Variants in LRRK2 observed in about 807,000 individuals in gnomAD.
The protein encoded by LRRK2 is leucine-rich repeat serine/threonine-protein kinase 2.
LRRK2 carries 203 observed loss-of-function variants against 302.6 expected under a neutral mutation model. That is an observed-to-expected ratio of 0.67 (90% CI 0.60 to 0.75). LRRK2 has a LOEUF of 0.75. Ranked by LOEUF, LRRK2 falls within the 30% of genes least tolerant of loss-of-function variation. LRRK2 has a pLI of 0.00. For missense variants in LRRK2, 2,830 were observed against 2,951.0 expected (o/e 0.96, Z 0.95); for synonymous variants, 1,066 against 1,031.9 (o/e 1.03, Z -0.63).
chr12:40,358,340 T>C (rs1946606095), intron 46 of LRRK2, among the ~76,000 whole-genome samples: 1 of 152,194 alleles, frequency 6.6e-6, no homozygotes, highest in Non-Finnish European at 1.5e-5. Flanking sequence ...CCTGTTTCCT[T>C]TTAATAGTTT....
chr12:40,237,912 A>T (rs1297429889), intron 4 of LRRK2, 57 bp from the exon 5 acceptor site: 3 of 1,546,410 alleles, frequency 1.9e-6, no homozygotes, highest in Non-Finnish European at 2.7e-6. Flanking sequence ...GTAAAAATTA[A>T]CACATTAAAT....
chr12:40,316,040 C>CA (rs1370549517), intron 33 of LRRK2, among the ~76,000 whole-genome samples: 10 of 152,038 alleles, frequency 6.6e-5, no homozygotes, highest in Admixed American at 5.9e-4. Flanking sequence ...CTGTGACAAG[C>CA]AAAAATGTAT....
rs1940829289 is a variant in LRRK2, at chr12:40,225,555, C to A, written c.152C>A (p.Ala51Asp). Reference sequence around the variant, plus strand: ...TTTTCCCCACCCACTTGTTTTCCAGCCTCCAAGTTATTTCAAGGCAAAAAT... The same window carrying A: ...TTTTCCCCACCCACTTGTTTTCCAGACTCCAAGTTATTTCAAGGCAAAAAT... ...DLLVFTYSER[A>D]SKLFQGKNIH... Residue 51 changes from alanine to aspartate, a missense_variant and splice_region_variant, in exon 2 of 51, where the codon GCC (alanine) becomes GAC (aspartate). By Grantham distance (126) the Ala-to-Asp change is moderately radical. Coordinates refer to ENST00000298910, the MANE Select transcript of LRRK2 (RefSeq NM_198578.4). The A allele has an allele frequency of 6.2e-7, 1 of 1,613,322 alleles. No homozygotes were observed. Among genetic ancestry groups the A allele is most frequent in the Admixed American group, 1.7e-5 (1 of 59,992 alleles).
chr12:40,304,186 C>T (rs2136783867), intron 27 of LRRK2, 52 bp downstream of exon 27: 1 of 1,555,934 alleles, frequency 6.4e-7, no homozygotes, highest in Non-Finnish European at 8.8e-7. Context: ...TGCATCATTA[C>T]AAATTATCAT....
At chr12:40,351,355 A>G (rs1946345985) in intron 43 of LRRK2, among the ~76,000 whole-genome samples, 184 bp from the exon 44 acceptor site, 1 of 152,060 alleles carries the variant, frequency 6.6e-6, no homozygotes, top group African/African-American at 2.4e-5. Context: ...AAAAATACAT[A>G]TTTGTCTTTT....
chr12:40,291,360 A>G (rs1944147670), intron 20 of LRRK2, among the ~76,000 whole-genome samples: 1 of 151,622 alleles, frequency 6.6e-6, no homozygotes, highest in Non-Finnish European at 1.5e-5. Context: ...GCACACCAGC[A>G]TGGCACATGT....
At chr12:40,266,291 C>G (rs1299442965) in intron 14 of LRRK2, among the ~76,000 whole-genome samples, 1 of 151,940 alleles carries the variant, frequency 6.6e-6, no homozygotes, top group Non-Finnish European at 1.5e-5. Context: ...ACAATGAACT[C>G]CAACAAATTT....
intron 20 of LRRK2, among the ~76,000 whole-genome samples, chr12:40,288,943 A>G (rs142305730): frequency 1.3e-5 from 2 of 151,466 alleles, no homozygotes; most frequent in East Asian, 1.9e-4. Context: ...TTTTTCTTTT[A>G]TGGTTTGTGC....
At chr12:40,297,394 C>T (rs1480208847) in intron 23 of LRRK2, among the ~76,000 whole-genome samples, 1 of 152,112 alleles carries the variant, frequency 6.6e-6, no homozygotes, top group East Asian at 1.9e-4. Flanking sequence ...TTGTTATTGT[C>T]AAAGGGTCTC....
rs771731398 is a variant in LRRK2 at position 40,303,935 on chromosome 12, T to G, written c.3591-13T>G. ...ACTCATTTGGTTTATGTCTTTTCTG[T>G]GTATTGTTTTAGCTTGCGGTCTTTA... is the stretch of plus-strand genomic sequence containing the variant. On this transcript the variant is annotated splice_polypyrimidine_tract_variant and intron_variant, in intron 26 of 50. Transcript: ENST00000298910. 11 of 1,612,574 alleles carry G rather than the reference T, an allele frequency of 6.8e-6. No homozygotes were observed. The South Asian group carries it at 1.2e-4, about 18-fold the overall frequency.
chr12:40,359,580 AC>A (rs1946644292), intron 47 of LRRK2, 136 bp downstream of exon 47: 2 of 851,600 alleles, frequency 2.3e-6, no homozygotes, highest in African/African-American at 3.5e-5. Flanking sequence ...ATAAAATTAA[AC>A]TTTCATTATA....
intron 40 of LRRK2, among the ~76,000 whole-genome samples, chr12:40,338,722 C>G (rs1001565346): frequency 2.6e-4 from 39 of 152,128 alleles, no homozygotes; most frequent in Non-Finnish European, 4.6e-4. Context: ...TTCTTTTTAG[C>G]CTTTGGAAAG....
intron 19 of LRRK2, among the ~76,000 whole-genome samples, chr12:40,284,948 A>G (rs1031452283): frequency 1.3e-5 from 2 of 152,106 alleles, no homozygotes; most frequent in African/African-American, 2.4e-5. Context: ...AGTTTCACCA[A>G]GAAAACTGAG....
intron 45 of LRRK2, 36 bp from the exon 46 acceptor site, chr12:40,356,079 T>C: frequency 6.8e-7 from 1 of 1,474,332 alleles, no homozygotes; most frequent in African/African-American, 1.4e-5. Context: ...AACATACATG[T>C]TCTTTTTGTA....
chr12:40,249,937 C>T lies in LRRK2; in HGVS notation c.950C>T (p.Ala317Val), dbSNP rs1329617375. 1 of 1,613,538 alleles carries T rather than the reference C, an allele frequency of 6.2e-7. No individual in the cohort carries two copies. The highest frequency in any genetic ancestry group is 1.1e-5 in the South Asian group (1 of 91,044). ...ALQISALSCL[A>V]LLTETIFLNQ... The stretch of plus-strand genomic sequence containing the variant: ...CAGATCTCAGCGCTCAGCTGTTTGG[C>T]CCTCCTCAGTAAGTAACTTCACTAA... The change falls in exon 8 of 51, where the codon GCC (alanine) becomes GTC (valine). Residue 317 changes from alanine (A) to valine (V), a missense_variant. Transcript: ENST00000298910.
intron 29 of LRRK2, 47 bp from the exon 30 acceptor site, chr12:40,309,059 C>T (rs200835208): frequency 4.8e-5 from 77 of 1,603,300 alleles, no homozygotes; most frequent in African/African-American, 1.9e-4. Flanking sequence ...AGGATTCTTG[C>T]CTGTCGTTTG....
intron 23 of LRRK2, 92 bp from the exon 24 acceptor site, chr12:40,298,151 C>T: frequency 2.3e-6 from 3 of 1,317,378 alleles, no homozygotes; most frequent in Non-Finnish European, 3.2e-6. Context: ...CTTGATGGTT[C>T]TAGTTACCAG....
chr12:40,367,579 G>A (rs1279275099), intron 50 of LRRK2, 65 bp from the exon 51 acceptor site: 18 of 1,527,446 alleles, frequency 1.2e-5, no homozygotes, highest in Non-Finnish European at 1.6e-5. Flanking sequence ...GAGCCAAACT[G>A]AAATAAAATA....
chr12:40,339,205 A>C lies in LRRK2; in HGVS notation c.5949-1089A>C, dbSNP rs78302454. Among the ~76,000 whole-genome samples the C allele has an allele frequency of 5.9e-4, 90 of 152,340 alleles. 2 individuals carry two copies. In the East Asian group the frequency reaches 0.016, roughly 28 times the overall value. On this transcript the variant is annotated intron_variant, in intron 40 of 50. Transcript: ENST00000298910. ...ACTATTAATTGATATAATGTGAGCC[A>C]AAACCAACAGTCACGAATAAGCAAA...
Sources: allele counts gnomAD v4.1 joint callset (sites outside exome capture counted in the v4.1 genomes callset), GRCh38; gene constraint gnomAD v4.1.1; transcripts MANE v1.5; gene names NCBI Gene and HGNC (gene_info 2026-07-23, HGNC 2026-07-21).